FGF10: variants seen among roughly 807,000 people sequenced by gnomAD.
FGF10 encodes the protein fibroblast growth factor 10.
A neutral mutation model predicts 19.8 loss-of-function variants in FGF10; 2 were observed. That is an observed-to-expected ratio of 0.10 (90% confidence interval 0.04 to 0.32). FGF10 has a LOEUF of 0.32. Among genes scored for constraint, FGF10 ranks in the 10% least tolerant of loss-of-function variants. The pLI, the probability that FGF10 is intolerant of heterozygous loss-of-function variation, is 1.00. For missense variants in FGF10, 191 were observed against 246.3 expected (o/e 0.78, Z 1.50); for synonymous variants, 112 against 94.0 (o/e 1.19, Z -1.10).
intron 1 of FGF10, among the ~76,000 whole-genome samples, chr5:44,313,512 G>A (rs1740257584): frequency 6.6e-6 from 1 of 151,738 alleles, no homozygotes; most frequent in South Asian, 2.1e-4. Flanking sequence ...TGAGTTAAGG[G>A]CATACTGGAT....
intron 1 of FGF10, among the ~76,000 whole-genome samples, chr5:44,347,689 C>T (rs12657059): frequency 0.28 from 42,086 of 151,288 alleles, 6,197 homozygotes; most frequent in Admixed American, 0.4. Flanking sequence ...ACCTACTTTG[C>T]AATTTTAGCA....
rs1823251 is a variant in FGF10 at position 44,303,615 on chromosome 5, C to T, written c.*1380G>A. 2 of 151,882 alleles carry T rather than the reference C, an allele frequency of 1.3e-5. No homozygotes were observed. The highest frequency in any genetic ancestry group is 2.9e-5 in the Non-Finnish European group (2 of 67,948). The allele number at this position is 151,882 out of a possible 1,614,324, so 9.4% of individuals were successfully genotyped here. On this transcript the variant is annotated 3_prime_UTR_variant, in exon 3 of 3. Coordinates refer to ENST00000264664, the MANE Select transcript of FGF10 (RefSeq NM_004465.2). The stretch of plus-strand genomic sequence containing the variant: ...AACTCTTATGTACTCTTTTCTATAC[C>T]TGCTCTAACAAAATGAATTTTGATA...
intron 1 of FGF10, among the ~76,000 whole-genome samples, chr5:44,367,488 G>C (rs192132417): frequency 6.6e-6 from 1 of 152,012 alleles, no homozygotes; most frequent in African/African-American, 2.4e-5. Context: ...GGGCACAATA[G>C]CTTAGTGATT....
chr5:44,355,533 G>A (rs1741326854), intron 1 of FGF10, among the ~76,000 whole-genome samples: 1 of 150,654 alleles, frequency 6.6e-6, no homozygotes, highest in Admixed American at 6.6e-5. Flanking sequence ...TATTTTAAAT[G>A]GTACCATTTA....
At chr5:44,384,754 G>A (rs1454213893) in intron 1 of FGF10, among the ~76,000 whole-genome samples, 1 of 152,086 alleles carries the variant, frequency 6.6e-6, no homozygotes, top group Non-Finnish European at 1.5e-5. Flanking sequence ...TATTTAAAGA[G>A]ATAAAGCCTA....
chr5:44,346,106 C>T (rs950280235), intron 1 of FGF10, among the ~76,000 whole-genome samples: 2 of 151,684 alleles, frequency 1.3e-5, no homozygotes, highest in Non-Finnish European at 2.9e-5. Context: ...TGAAGCTGTT[C>T]CTTGTCCCAC....
At chr5:44,350,227 A>G (rs1226952941) in intron 1 of FGF10, among the ~76,000 whole-genome samples, 1 of 150,750 alleles carries the variant, frequency 6.6e-6, no homozygotes, top group Non-Finnish European at 1.5e-5. Flanking sequence ...GTAAACTAAG[A>G]TATAACTAGA....
intron 1 of FGF10, among the ~76,000 whole-genome samples, chr5:44,362,287 C>T (rs1440351111): frequency 1.3e-5 from 2 of 151,646 alleles, no homozygotes; most frequent in Non-Finnish European, 3.0e-5. Flanking sequence ...TATCTTTTAT[C>T]CTTTGCTAAA....
intron 1 of FGF10, among the ~76,000 whole-genome samples, chr5:44,346,477 T>C (rs562160416): frequency 1.3e-5 from 2 of 152,002 alleles, no homozygotes; most frequent in South Asian, 2.1e-4. Context: ...TTTTCTAGCA[T>C]GGCCTACATG....
At chr5:44,346,650 C>A (rs1561209164) in intron 1 of FGF10, among the ~76,000 whole-genome samples, 1 of 151,826 alleles carries the variant, frequency 6.6e-6, no homozygotes, top group Non-Finnish European at 1.5e-5. Context: ...TTACTCTACA[C>A]TTTGTCATTC....
chr5:44,329,421 C>T (rs768386402), intron 1 of FGF10, among the ~76,000 whole-genome samples: 22 of 152,062 alleles, frequency 1.4e-4, no homozygotes, highest in African/African-American at 4.8e-4. Context: ...TTGATCCTCC[C>T]GCCTCGGCAC....
chr5:44,368,898 G>A (rs529546453), intron 1 of FGF10, among the ~76,000 whole-genome samples: 1 of 152,120 alleles, frequency 6.6e-6, no homozygotes, highest in Admixed American at 6.6e-5. Flanking sequence ...AAATTCCTGG[G>A]CTGAAGCAAT....
intron 1 of FGF10, among the ~76,000 whole-genome samples, chr5:44,387,822 T>TG (rs1742137726): frequency 6.6e-6 from 1 of 152,066 alleles, no homozygotes; most frequent in Non-Finnish European, 1.5e-5. Flanking sequence ...GGTAAAGGGA[T>TG]GGGGGTGGGG....
intron 1 of FGF10, among the ~76,000 whole-genome samples, chr5:44,385,575 C>T (rs1185882184): frequency 6.6e-6 from 1 of 152,090 alleles, no homozygotes; most frequent in Non-Finnish European, 1.5e-5. Flanking sequence ...AAGCAAACCT[C>T]AAAAGAACAG....
intron 1 of FGF10, among the ~76,000 whole-genome samples, chr5:44,386,565 T>C (rs1579950287): frequency 1.3e-5 from 2 of 152,274 alleles, no homozygotes; most frequent in South Asian, 4.1e-4. Flanking sequence ...AAATTTTTAA[T>C]CGAAAAACCT....
chr5:44,331,210 T>C (rs1204906590), intron 1 of FGF10, among the ~76,000 whole-genome samples: 3 of 152,166 alleles, frequency 2.0e-5, no homozygotes, highest in Admixed American at 1.3e-4. Context: ...GACTAGATAG[T>C]GCTTAAAATT....
chr5:44,345,111 T>C (rs1251685288), intron 1 of FGF10, among the ~76,000 whole-genome samples: 1 of 151,878 alleles, frequency 6.6e-6, no homozygotes, highest in Non-Finnish European at 1.5e-5. Flanking sequence ...AAAATTTATT[T>C]TAAAGCATCC....
intron 1 of FGF10, among the ~76,000 whole-genome samples, chr5:44,326,159 G>A (rs376708450): frequency 4.6e-5 from 7 of 152,128 alleles, no homozygotes; most frequent in African/African-American, 1.7e-4. Context: ...CTCAGGAATA[G>A]AACTCTATTA....
intron 1 of FGF10, among the ~76,000 whole-genome samples, chr5:44,343,813 T>C (rs1030756772): frequency 7.2e-5 from 11 of 151,998 alleles, no homozygotes; most frequent in African/African-American, 2.7e-4. Flanking sequence ...TGGCTTTCCC[T>C]TTATTAGAGT....
Sources: gnomAD v4.1 joint callset for allele counts (sites outside exome capture counted in the v4.1 genomes callset) on GRCh38, gnomAD v4.1.1 for gene constraint, MANE v1.5 for transcripts, NCBI Gene and HGNC (gene_info 2026-07-23, HGNC 2026-07-21) for gene names.